The following FCRL1 variants were observed in gnomAD, a reference collection of about 807,000 sequenced individuals.
FCRL1 encodes Fc receptor like 1.
In FCRL1, 34 loss-of-function variants were observed where a neutral mutation model predicts 49.2. That is an observed-to-expected ratio of 0.69 (90% CI 0.53 to 0.92). The LOEUF (loss-of-function observed/expected upper bound fraction) is 0.92. FCRL1 is among the 40% of genes least tolerant of loss of function. The probability of loss-of-function intolerance (pLI) is 0.00; values close to 1 mark genes in which losing one functional copy is unlikely to be tolerated. For synonymous variants in FCRL1, 218 were observed against 201.6 expected (o/e 1.08, Z -0.69); for missense variants, 524 against 524.1 (o/e 1.00, Z 0.00).
Position 157,801,656 on chromosome 1 carries a change from G to A in FCRL1, c.887-79C>T. 5 of 1,037,546 alleles carry A rather than the reference G, an allele frequency of 4.8e-6. No individual in the cohort carries two copies. The South Asian group carries it at 7.0e-5, about 14-fold the overall frequency. The allele number at this position is 1,037,546 out of a possible 1,614,324, so 64.3% of individuals were successfully genotyped here. A position where few individuals can be genotyped will look rare whatever the true frequency, so the allele number is the denominator to read the frequency against. ...AGAGCAGACATCTTGGGTGTGGGTTGTGCCCAAGGTCTGCTCTTCCAAGTG... is the reference window on the plus strand; with the variant it reads ...AGAGCAGACATCTTGGGTGTGGGTTATGCCCAAGGTCTGCTCTTCCAAGTG... On this transcript the variant is annotated intron_variant, in intron 5 of 10. Coordinates refer to ENST00000368176, the MANE Select transcript of FCRL1 (RefSeq NM_052938.5).
chr1:157,817,221 C>T (rs182928211), intron 1 of FCRL1, among the ~76,000 whole-genome samples: 234 of 151,566 alleles, frequency 1.5e-3, no homozygotes, highest in African/African-American at 5.3e-3. Flanking sequence ...CCCAAACAAC[C>T]TTGAAGAAAA....
At chr1:157,804,301 C>A in intron 2 of FCRL1, 190 bp from the exon 3 acceptor site, 3 of 606,500 alleles carry the variant, frequency 4.9e-6, no homozygotes, top group Non-Finnish European at 8.6e-6. Context: ...CCCTGCTCAC[C>A]CCTGGTACAT....
intron 10 of FCRL1, among the ~76,000 whole-genome samples, chr1:157,796,399 T>C (rs1357225016): frequency 1.3e-5 from 2 of 152,240 alleles, no homozygotes; most frequent in Non-Finnish European, 2.9e-5. Flanking sequence ...AAACATACAG[T>C]GCCTTCGCTC....
intron 6 of FCRL1, among the ~76,000 whole-genome samples, chr1:157,800,698 C>T (rs970743966): frequency 6.6e-6 from 1 of 152,046 alleles, no homozygotes; most frequent in African/African-American, 2.4e-5. Flanking sequence ...TTTCAGAGGA[C>T]AAGTGAGAAA....
intron 1 of FCRL1, among the ~76,000 whole-genome samples, chr1:157,810,848 C>CACT (rs1471298090): frequency 1.3e-5 from 2 of 152,144 alleles, no homozygotes; most frequent in South Asian, 4.1e-4. Flanking sequence ...GAGGTCAGAT[C>CACT]ACTGCAGCCT....
intron 1 of FCRL1, among the ~76,000 whole-genome samples, chr1:157,813,798 A>C (rs1654672558): frequency 6.6e-6 from 1 of 152,228 alleles, no homozygotes; most frequent in African/African-American, 2.4e-5. Flanking sequence ...ATTATAATCA[A>C]ATTGTTAAAG....
rs763636266 is a variant in FCRL1 at position 157,802,413 on chromosome 1, G to A, written c.571C>T (p.Pro191Ser). 3 of 1,614,036 alleles carry A rather than the reference G, an allele frequency of 1.9e-6. No homozygotes were observed. Among genetic ancestry groups the A allele is most frequent in the African/African-American group, 1.3e-5 (1 of 74,928 alleles). Residue 191 changes from proline (P) to serine (S), a missense_variant, in exon 4 of 11, where the codon CCC becomes TCC. Physicochemically the swap from Pro to Ser is moderately conservative, Grantham distance 74. Coordinates refer to ENST00000368176, the MANE Select transcript of FCRL1 (RefSeq NM_052938.5). ...ATGCTCACCAGCCCACTGGGGCTGGGACCATAGCCATTTTCAGCTACACAG... is the reference window on the plus strand; with the variant it reads ...ATGCTCACCAGCCCACTGGGGCTGGAACCATAGCCATTTTCAGCTACACAG... ...YYCVAENGYGPSPSGLVSITV... is the reference protein window; with the variant it reads ...YYCVAENGYGSSPSGLVSITV...
At chr1:157,818,020 G>T (rs1240411822) in intron 1 of FCRL1, among the ~76,000 whole-genome samples, 1 of 152,124 alleles carries the variant, frequency 6.6e-6, no homozygotes, top group African/African-American at 2.4e-5. Context: ...TATTGTCAAA[G>T]ATGTCGAGAA....
At chr1:157,817,602 T>C (rs570254855) in intron 1 of FCRL1, among the ~76,000 whole-genome samples, 45 of 152,136 alleles carry the variant, frequency 3.0e-4, no homozygotes, top group African/African-American at 1.1e-3. Flanking sequence ...AAGCTCTATG[T>C]CACTGATTTG....
intron 8 of FCRL1, 104 bp downstream of exon 8, chr1:157,798,057 G>A (rs1651824328): frequency 6.7e-7 from 1 of 1,497,328 alleles, no homozygotes; most frequent in Non-Finnish European, 9.3e-7. Context: ...TTGTAGCAGA[G>A]GCTAGGGCAC....
chr1:157,796,969 T>C, intron 10 of FCRL1, 132 bp downstream of exon 10: 1 of 781,974 alleles, frequency 1.3e-6, no homozygotes. Flanking sequence ...TTACCTCCAT[T>C]GCTTTGGGAT....
chr1:157,810,196 G>A (rs950909417), intron 1 of FCRL1, among the ~76,000 whole-genome samples: 1 of 152,132 alleles, frequency 6.6e-6, no homozygotes, highest in African/African-American at 2.4e-5. Flanking sequence ...GGAAGAATGA[G>A]GAAGAAGTGT....
chr1:157,797,465 A>C (rs184015910), intron 9 of FCRL1, among the ~76,000 whole-genome samples: 2,212 of 152,272 alleles, frequency 0.015, 47 homozygotes, highest in African/African-American at 0.051. Context: ...CAGGCTACTT[A>C]AAGAGGGCAG....
Position 157,796,160 on chromosome 1 carries a change from T to A in FCRL1, c.1229A>T (p.Asp410Val). ...GTHMEDKVSL[D>V]IYSRLRKANI... is the part of the protein sequence containing the mutation. The stretch of plus-strand genomic sequence containing the variant: ...TGCTTTCCTCAGCCTGGAATAGATG[T>A]CTAAGGAAACCTGGAAGCAAAGATT... The change falls in exon 11 of 11, where the codon GAC (aspartate) becomes GTC (valine). Residue 410 changes from aspartate (D) to valine (V), a missense_variant. Physicochemically the swap from Asp to Val is radical, Grantham distance 152. Transcript: ENST00000368176. 2 of 1,613,914 alleles carry A rather than the reference T, an allele frequency of 1.2e-6. No individual in the cohort carries two copies. The highest frequency in any genetic ancestry group is 4.5e-5 in the East Asian group (2 of 44,874).
intron 1 of FCRL1, among the ~76,000 whole-genome samples, chr1:157,816,800 G>GATAGAT (rs1655086676): frequency 6.6e-6 from 1 of 151,456 alleles, no homozygotes; most frequent in East Asian, 1.9e-4. Flanking sequence ...TAGATAGATA[G>GATAGAT]ATAGATAGAT....
intron 1 of FCRL1, among the ~76,000 whole-genome samples, 191 bp from the exon 2 acceptor site, chr1:157,807,313 T>C (rs139245271): frequency 6.6e-6 from 1 of 152,148 alleles, no homozygotes; most frequent in African/African-American, 2.4e-5. Flanking sequence ...TCCTCCCTCC[T>C]TATCTTACCC....
intron 9 of FCRL1, chr1:157,797,657 C>T (rs1007365913): frequency 1.6e-6 from 2 of 1,285,160 alleles, no homozygotes. Context: ...ATTTGACAGC[C>T]CATCCCCAGG....
chr1:157,801,011 C>T (rs1175217328), intron 6 of FCRL1, among the ~76,000 whole-genome samples: 1 of 152,132 alleles, frequency 6.6e-6, no homozygotes, highest in East Asian at 1.9e-4. Flanking sequence ...CCTGCTTCAG[C>T]CTCCCAAGTA....
chr1:157,808,827 T>C (rs1653866414), intron 1 of FCRL1, among the ~76,000 whole-genome samples: 1 of 152,126 alleles, frequency 6.6e-6, no homozygotes, highest in Non-Finnish European at 1.5e-5. Flanking sequence ...GAAAGTAGAA[T>C]TAATAGGAAT....
Sources: gnomAD v4.1 joint callset for allele counts (sites outside exome capture counted in the v4.1 genomes callset) on GRCh38, gnomAD v4.1.1 for gene constraint, MANE v1.5 for transcripts, NCBI Gene and HGNC (gene_info 2026-07-23, HGNC 2026-07-21) for gene names.